The following RNF19A variants were observed in gnomAD, a reference collection of about 807,000 sequenced individuals.
The protein encoded by RNF19A is ring finger protein 19A, RBR E3 ubiquitin protein ligase.
Under a neutral mutation model 75.7 loss-of-function variants are expected in RNF19A, and 32 were observed. The ratio of observed to expected loss-of-function variants is 0.42; its 90% CI spans 0.32 to 0.57. RNF19A has a LOEUF of 0.57. RNF19A is among the 20% of genes least tolerant of loss of function. The pLI is 0.10. For missense variants in RNF19A, 782 were observed against 1,036.3 expected (o/e 0.75, Z 3.37); for synonymous variants, 335 against 345.2 (o/e 0.97, Z 0.33).
At position 100,264,162 on chromosome 8, in the gene RNF19A, T is replaced by G; in HGVS notation, c.1340A>C (p.Tyr447Ser). Residue 447 changes from tyrosine to serine, a missense_variant, in exon 7 of 10, where the codon TAT (tyrosine) becomes TCT (serine). Coordinates refer to ENST00000341084, the MANE Select transcript of RNF19A (RefSeq NM_183419.4). This position sits in a 1 kb window ranked among gnomAD's most constrained non-coding sequence, Gnocchi z 4.7. The part of the protein sequence containing the change: ...IGVPIMLAYV[Y>S]GVVPISLCRS... Reference sequence around the variant, plus strand: ...ACAAAGAGAAATTGGAACTACGCCATAGACATAAGCTAACATAATAGGAAC... The same window carrying G: ...ACAAAGAGAAATTGGAACTACGCCAGAGACATAAGCTAACATAATAGGAAC... The G allele has an allele frequency of 1.2e-6, 2 of 1,613,568 alleles. No individual in the cohort carries two copies. Among genetic ancestry groups the G allele is most frequent in the Non-Finnish European group, 1.7e-6 (2 of 1,179,686 alleles).
In RNF19A at chr8:100,269,070, T is replaced by A; in HGVS notation, c.1029-123A>T. On this transcript the variant is annotated intron_variant, in intron 4 of 9. Coordinates refer to ENST00000341084, the MANE Select transcript of RNF19A (RefSeq NM_183419.4). This position sits in a 1 kb window ranked among gnomAD's most constrained non-coding sequence, Gnocchi z 5.7. Reference sequence around the variant, plus strand: ...CATAGTTAGGAGCTTTTTTCCCCTTTAAATTCTGAGTTCATTAAACTAAGG... The same window carrying A: ...CATAGTTAGGAGCTTTTTTCCCCTTAAAATTCTGAGTTCATTAAACTAAGG... 5.0e-6 allele frequency: 3 copies of A among 605,634 alleles called. No individual in the cohort carries two copies. The highest frequency in any genetic ancestry group is 7.7e-6 in the Non-Finnish European group (3 of 390,398). 37.5% of individuals were successfully genotyped at this position (605,634 alleles called of 1,614,324 possible). A position where few individuals can be genotyped will look rare whatever the true frequency, so the allele number is the denominator to read the frequency against.
intron 5 of RNF19A, among the ~76,000 whole-genome samples, chr8:100,265,926 C>T (rs1439973021): frequency 6.6e-6 from 1 of 152,224 alleles, no homozygotes; most frequent in South Asian, 2.1e-4. Context: ...CATTATCCTT[C>T]AGCACTGCAG....
chr8:100,334,931 C>A (rs189932851), intron 1 of RNF19A, among the ~76,000 whole-genome samples: 1 of 152,296 alleles, frequency 6.6e-6, no homozygotes, highest in Admixed American at 6.5e-5. Flanking sequence ...CCAAGATAAG[C>A]TAATGGGTAG....
upstream of RNF19A, among the ~76,000 whole-genome samples, chr8:100,311,740 G>GAAA (rs1563871614): frequency 2.5e-5 from 3 of 118,630 alleles, no homozygotes; most frequent in African/African-American, 1.0e-4. Flanking sequence ...AAAAAAAAAA[G>GAAA]AAAAGAAAAT....
rs947227059 is a variant in RNF19A at position 100,257,714 on chromosome 8, C to T, written c.*842G>A. 1.0e-5 allele frequency: 3 copies of T among 289,640 alleles called. No homozygotes were observed. The highest frequency in any genetic ancestry group is 2.2e-5 in the African/African-American group (1 of 46,160). 17.9% of individuals were successfully genotyped at this position (289,640 alleles called of 1,614,324 possible). On this transcript the variant is annotated 3_prime_UTR_variant, in exon 10 of 10. Transcript: ENST00000341084. ...ACATGGAAAACAACACAGCAAAATCCTCAAATAACTAGGCCATTAAAACCC... is the reference window on the plus strand; with the variant it reads ...ACATGGAAAACAACACAGCAAAATCTTCAAATAACTAGGCCATTAAAACCC...
chr8:100,285,322 T>C (rs773646016), intron 2 of RNF19A, among the ~76,000 whole-genome samples: 1 of 152,234 alleles, frequency 6.6e-6, no homozygotes, highest in Non-Finnish European at 1.5e-5. Context: ...GACAATCTAA[T>C]GTTTTCCCCC....
Position 100,289,008 on chromosome 8 carries a change from C to T in RNF19A, c.-93-741G>A, listed in dbSNP as rs184289205. On this transcript the variant is annotated intron_variant, in intron 1 of 9. Transcript: ENST00000341084. ...CCGGGAAGTGGAGCTTGCAGTGAGC[C>T]GAGATTGCGCCGCTGCACTCCACCC... is the stretch of plus-strand genomic sequence containing the variant. 7.6e-5 allele frequency among the ~76,000 whole-genome samples: 11 copies of T among 145,088 alleles called. No individual in the cohort carries two copies. The Admixed American group carries it at 7.7e-4, about 10-fold the overall frequency.
intron 1 of RNF19A, among the ~76,000 whole-genome samples, chr8:100,303,741 T>C (rs925488779): frequency 6.1e-5 from 8 of 131,566 alleles, no homozygotes; most frequent in African/African-American, 2.1e-4. Flanking sequence ...CTGGCCAACA[T>C]GGCAAAACCT....
upstream of RNF19A, among the ~76,000 whole-genome samples, chr8:100,312,932 A>AAAC (rs754665833): frequency 7.2e-5 from 11 of 151,974 alleles, no homozygotes; most frequent in Non-Finnish European, 1.5e-4. Context: ...AAACAAAACA[A>AAAC]AACAACAACA....
chr8:100,316,080 A>C (rs1255248736), intron 1 of RNF19A, among the ~76,000 whole-genome samples: 1 of 151,192 alleles, frequency 6.6e-6, no homozygotes, highest in Non-Finnish European at 1.5e-5. Flanking sequence ...ATGTGTTCGG[A>C]GTTTCTTCTT....
Position 100,258,996 on chromosome 8 carries a change from T to G in RNF19A, c.2077A>C (p.Met693Leu). ...TGTTGTTCTAACAACTGTGCATCCA[T>G]GTCCTCTCTCGTCTCATTTATCTTC... ...NMKINETREDMDAQLLEQQST... is the reference protein window; with the variant it reads ...NMKINETREDLDAQLLEQQST... Residue 693 changes from methionine (M) to leucine (L), a missense_variant, in exon 10 of 10, where the codon ATG becomes CTG. This residue lies in a region of RNF19A where 442 missense variants were observed against 541.6 expected (regional missense o/e 0.82). Coordinates refer to ENST00000341084, the MANE Select transcript of RNF19A (RefSeq NM_183419.4). This position sits in a 1 kb window ranked among gnomAD's most constrained non-coding sequence, Gnocchi z 4.3. 6.2e-7 allele frequency: 1 copy of G among 1,614,244 alleles called. No individual in the cohort carries two copies. Among genetic ancestry groups the G allele is most frequent in the Non-Finnish European group, 8.5e-7 (1 of 1,180,046 alleles).
chr8:100,264,598 T>A lies in RNF19A; in HGVS notation c.1306+73A>T. ...AATTGTCCTCAAATTAAAAAACAAT[T>A]AAAAAAAATCCTTCCACAAAACTTT... On this transcript the variant is annotated intron_variant, in intron 6 of 9. Transcript: ENST00000341084. The surrounding 1 kb of genome is among the most constrained non-coding windows in gnomAD (Gnocchi z 4.7). The A allele has an allele frequency of 2.0e-6, 2 of 996,084 alleles. No individual in the cohort carries two copies. The highest frequency in any genetic ancestry group is 3.1e-6 in the Non-Finnish European group (2 of 649,354). 61.7% of individuals were successfully genotyped at this position (996,084 alleles called of 1,614,324 possible). A position where few individuals can be genotyped will look rare whatever the true frequency, so the allele number is the denominator to read the frequency against.
chr8:100,261,272 T>A lies in RNF19A; in HGVS notation c.1682+270A>T, dbSNP rs1819700738. On this transcript the variant is annotated intron_variant, in intron 8 of 9. Transcript: ENST00000341084. This position sits in a 1 kb window ranked among gnomAD's most constrained non-coding sequence, Gnocchi z 4.4. ...ACCAAATCCGGCTAATTTTTTATAT[T>A]TTTTTAGTAGAGATGGGGTTTCGCC... Among the ~76,000 whole-genome samples, 2 of 151,834 alleles carry A rather than the reference T, an allele frequency of 1.3e-5. No individual in the cohort carries two copies. Among genetic ancestry groups the A allele is most frequent in the African/African-American group, 4.8e-5 (2 of 41,316 alleles).
intron 1 of RNF19A, among the ~76,000 whole-genome samples, chr8:100,300,190 C>T (rs1443047449): frequency 6.6e-6 from 1 of 151,800 alleles, no homozygotes; most frequent in Non-Finnish European, 1.5e-5. Context: ...ACAAGTCTCC[C>T]GAAAATGAGA....
intron 7 of RNF19A, among the ~76,000 whole-genome samples, chr8:100,263,307 GTA>G (rs142419878): frequency 0.023 from 3,465 of 152,204 alleles, 111 homozygotes; most frequent in East Asian, 0.076. Context: ...TTCAAGAAGG[GTA>G]GAGTCTCTAC....
Position 100,281,905 on chromosome 8 carries a change from TACTTA to T in RNF19A, c.674+5591_674+5595del, listed in dbSNP as rs1185055023. Among the ~76,000 whole-genome samples, 4 of 152,312 alleles carry T rather than the reference TACTTA, an allele frequency of 2.6e-5. No individual in the cohort carries two copies. In the East Asian group the frequency reaches 7.7e-4, roughly 29 times the overall value. Reference sequence around the variant, plus strand: ...TTATTCCAGTGAAAAAGGAATGACTTACTTAATATACTTGAGAGAAGGTCTAGACA... The same window carrying T: ...TTATTCCAGTGAAAAAGGAATGACTTATATACTTGAGAGAAGGTCTAGACA... On this transcript the variant is annotated intron_variant, in intron 2 of 9. Transcript: ENST00000341084.
chr8:100,301,979 A>G (rs1821853229), intron 1 of RNF19A, among the ~76,000 whole-genome samples: 1 of 152,150 alleles, frequency 6.6e-6, no homozygotes, highest in South Asian at 2.1e-4. Flanking sequence ...CAAAGCCCCT[A>G]AGGGAGGAAT....
chr8:100,303,241 T>G (rs1410110167), intron 1 of RNF19A: 2 of 152,228 alleles, frequency 1.3e-5, no homozygotes, highest in Non-Finnish European at 2.9e-5. Context: ...CTTTGACTCT[T>G]CCAGCTTCTG....
Position 100,298,756 on chromosome 8 carries a change from C to G in RNF19A, c.-93-10489G>C, listed in dbSNP as rs76023542. ...TAATACTCATTACAAGTAATATTCACTACTCAAGTTATTACAAAAAGTAAG... is the reference window on the plus strand; with the variant it reads ...TAATACTCATTACAAGTAATATTCAGTACTCAAGTTATTACAAAAAGTAAG... On this transcript the variant is annotated intron_variant, in intron 1 of 9. Coordinates refer to ENST00000341084, the MANE Select transcript of RNF19A (RefSeq NM_183419.4). Among the ~76,000 whole-genome samples the G allele has an allele frequency of 3.5e-3, 538 of 152,286 alleles. 15 individuals carry two copies. The East Asian group carries it at 0.048, about 13-fold the overall frequency.
Sources: gnomAD v4.1 joint callset for allele counts (sites outside exome capture counted in the v4.1 genomes callset) on GRCh38, gnomAD v4.1.1 for gene constraint, gnomAD v4.1.1 regional missense constraint, Gnocchi (gnomAD v3.1) non-coding constraint, MANE v1.5 for transcripts, NCBI Gene and HGNC (gene_info 2026-07-23, HGNC 2026-07-21) for gene names.